Variants in PAPSS1 observed in about 807,000 individuals in gnomAD.
The protein encoded by PAPSS1 is bifunctional 3'-phosphoadenosine 5'-phosphosulfate synthase 1.
In PAPSS1, 50 loss-of-function variants were observed where a neutral mutation model predicts 72.0. The ratio of observed to expected loss-of-function variants is 0.69; its 90% CI spans 0.55 to 0.88. PAPSS1 has a LOEUF of 0.88. Among genes scored for constraint, PAPSS1 ranks in the 40% least tolerant of loss-of-function variants. PAPSS1 has a pLI of 0.00. For synonymous variants in PAPSS1, 261 were observed against 263.6 expected (o/e 0.99, Z 0.09); for missense variants, 657 against 782.2 (o/e 0.84, Z 1.91).
At chr4:107,616,399 A>T (rs1002336026) in intron 11 of PAPSS1, among the ~76,000 whole-genome samples, 1 of 152,154 alleles carries the variant, frequency 6.6e-6, no homozygotes, top group Non-Finnish European at 1.5e-5. Flanking sequence ...CTATTAACAC[A>T]CCTGTAAATG....
intron 10 of PAPSS1, among the ~76,000 whole-genome samples, chr4:107,641,246 CA>C (rs1297290565): frequency 2.0e-5 from 3 of 152,140 alleles, no homozygotes; most frequent in Non-Finnish European, 2.9e-5. Context: ...CCTTATCTTC[CA>C]CCCACTTCCC....
intron 11 of PAPSS1, among the ~76,000 whole-genome samples, chr4:107,623,905 A>G (rs1726030609): frequency 6.6e-6 from 1 of 152,224 alleles, no homozygotes; most frequent in South Asian, 2.1e-4. Flanking sequence ...ACTTTTATGA[A>G]AATGTTTCAT....
intron 10 of PAPSS1, among the ~76,000 whole-genome samples, chr4:107,638,619 C>G (rs184534213): frequency 1.3e-5 from 2 of 152,182 alleles, no homozygotes; most frequent in Admixed American, 1.3e-4. Context: ...CTTCCTGCCT[C>G]CCAAACCCAG....
rs1326277261 is a variant in PAPSS1 at position 107,625,033 on chromosome 4, C to A, written c.1736+6598G>T. On this transcript the variant is annotated intron_variant, in intron 11 of 11. Coordinates refer to ENST00000265174, the MANE Select transcript of PAPSS1 (RefSeq NM_005443.5). ...AAGGACTTTAAGGTTCTATATAGTG[C>A]GAATAAGAAGTAACTAAAGAAATGT... Among the ~76,000 whole-genome samples the A allele has an allele frequency of 2.6e-5, 4 of 151,920 alleles. No individual in the cohort carries two copies. The East Asian group carries it at 5.8e-4, about 22-fold the overall frequency.
chr4:107,683,410 G>A lies in PAPSS1; in HGVS notation c.551-1277C>T, dbSNP rs776751247. 2.0e-5 allele frequency among the ~76,000 whole-genome samples: 3 copies of A among 152,074 alleles called. No individual in the cohort carries two copies. The East Asian group carries it at 5.8e-4, about 29-fold the overall frequency. On this transcript the variant is annotated intron_variant, in intron 4 of 11. Transcript: ENST00000265174. ...TTAAGAACACTAACTGTTAAGCTCTGATTCTCAAATGCGGTGATATACTGG... is the reference window on the plus strand; with the variant it reads ...TTAAGAACACTAACTGTTAAGCTCTAATTCTCAAATGCGGTGATATACTGG...
At chr4:107,657,860 T>C (rs1365686523) in intron 6 of PAPSS1, among the ~76,000 whole-genome samples, 1 of 152,178 alleles carries the variant, frequency 6.6e-6, no homozygotes, top group East Asian at 1.9e-4. Flanking sequence ...GGCATAATCA[T>C]TTCATAGAGA....
chr4:107,716,928 T>C (rs1395146814), intron 1 of PAPSS1, among the ~76,000 whole-genome samples: 1 of 152,194 alleles, frequency 6.6e-6, no homozygotes, highest in Admixed American at 6.5e-5. Flanking sequence ...TAGTATTTGG[T>C]CTCACATTTA....
intron 3 of PAPSS1, among the ~76,000 whole-genome samples, chr4:107,687,425 T>A (rs966687345): frequency 2.6e-5 from 4 of 152,186 alleles, no homozygotes. Context: ...AAACAATGAA[T>A]GTACCACAAA....
chr4:107,682,233 C>A, intron 4 of PAPSS1, 100 bp from the exon 5 acceptor site: 1 of 572,818 alleles, frequency 1.7e-6, no homozygotes, highest in Non-Finnish European at 3.1e-6. Flanking sequence ...AGTATCTGCG[C>A]TGTCCCCCAA....
chr4:107,638,669 T>C (rs1726452961), intron 10 of PAPSS1, among the ~76,000 whole-genome samples: 1 of 151,128 alleles, frequency 6.6e-6, no homozygotes, highest in Non-Finnish European at 1.5e-5. Context: ...CTGATTATTA[T>C]TCTAAGAAAA....
chr4:107,614,502 C>A, intron 11 of PAPSS1, 115 bp from the exon 12 acceptor site: 1 of 697,882 alleles, frequency 1.4e-6, no homozygotes, highest in Non-Finnish European at 2.3e-6. Flanking sequence ...AAATACTGAA[C>A]ATAGTACTTG....
intron 1 of PAPSS1, chr4:107,719,890 G>T (rs1452122278): frequency 8.9e-6 from 12 of 1,353,946 alleles, no homozygotes; most frequent in Non-Finnish European, 1.0e-5. Context: ...ACGAACGGTG[G>T]CTCGGACCGC....
chr4:107,644,644 C>A (rs1170580142), intron 10 of PAPSS1, among the ~76,000 whole-genome samples, 158 bp downstream of exon 10: 1 of 152,206 alleles, frequency 6.6e-6, no homozygotes, highest in Non-Finnish European at 1.5e-5. Context: ...CCCCTAGCAT[C>A]CAGGGAATAT....
chr4:107,654,983 A>T, intron 7 of PAPSS1, 83 bp from the exon 8 acceptor site: 1 of 951,872 alleles, frequency 1.1e-6, no homozygotes, highest in Non-Finnish European at 1.6e-6. Flanking sequence ...ACTTCAGGGG[A>T]CACTTTTCAA....
chr4:107,702,941 C>T (rs61571218), intron 1 of PAPSS1, among the ~76,000 whole-genome samples: 4,382 of 152,238 alleles, frequency 0.029, 235 homozygotes, highest in African/African-American at 0.1. Context: ...ATATTGATTT[C>T]CATAATGGCT....
At chr4:107,677,064 C>T (rs1287756552) in intron 5 of PAPSS1, among the ~76,000 whole-genome samples, 1 of 152,150 alleles carries the variant, frequency 6.6e-6, no homozygotes, top group Non-Finnish European at 1.5e-5. Context: ...AAATGTTACA[C>T]CTAAAACCAT....
rs564775284 is a variant in PAPSS1 at position 107,716,434 on chromosome 4, T to A, written c.60+3686A>T. ...TGGAAATTCAGGGAGTTGTGAAAGG[T>A]GAATGGAAAAGCAAACCAGAGACTG... On this transcript the variant is annotated intron_variant, in intron 1 of 11. Coordinates refer to ENST00000265174, the MANE Select transcript of PAPSS1 (RefSeq NM_005443.5). Among the ~76,000 whole-genome samples, 8 of 152,136 alleles carry A rather than the reference T, an allele frequency of 5.3e-5. No homozygotes were observed. The East Asian group carries it at 9.7e-4, about 18-fold the overall frequency.
rs552280206 is a variant in PAPSS1 at position 107,671,013 on chromosome 4, G to A, written c.670-10941C>T. On this transcript the variant is annotated intron_variant, in intron 5 of 11. Coordinates refer to ENST00000265174, the MANE Select transcript of PAPSS1 (RefSeq NM_005443.5). Reference sequence around the variant, plus strand: ...TGTGGTAACCAGTTAGGGGAATATGGGATAGTGTGATCCTAAAATCATACA... The same window carrying A: ...TGTGGTAACCAGTTAGGGGAATATGAGATAGTGTGATCCTAAAATCATACA... Among the ~76,000 whole-genome samples the A allele has an allele frequency of 2.8e-4, 43 of 152,212 alleles. No homozygotes were observed. In the South Asian group the frequency reaches 8.9e-3, roughly 32 times the overall value.
In PAPSS1 at chr4:107,654,865, T is replaced by C; in HGVS notation, c.931A>G (p.Thr311Ala). 1.2e-6 allele frequency: 2 copies of C among 1,613,906 alleles called. No homozygotes were observed. Among genetic ancestry groups the C allele is most frequent in the Non-Finnish European group, 1.7e-6 (2 of 1,179,924 alleles). ...VINLSVPIVL[T>A]ATHEDKERLD... is the part of the protein sequence containing the mutation. ...CTCTCTTTATCTTCATGAGTCGCAG[T>C]CAGAACTATAGGTACTGACAAGTTA... Residue 311 changes from threonine to alanine, a missense_variant, in exon 8 of 12, where the codon ACT becomes GCT. Transcript: ENST00000265174.
Sources: gnomAD v4.1 joint callset for allele counts (sites outside exome capture counted in the v4.1 genomes callset) on GRCh38, gnomAD v4.1.1 for gene constraint, MANE v1.5 for transcripts, NCBI Gene and HGNC (gene_info 2026-07-23, HGNC 2026-07-21) for gene names.